Variants in TDRD9 observed in about 807,000 individuals in gnomAD.
TDRD9 encodes ATP-dependent RNA helicase TDRD9.
A neutral mutation model predicts 172.6 loss-of-function variants in TDRD9; 124 were observed. The observed-to-expected ratio is 0.72, with a 90% CI of 0.62 to 0.83. The LOEUF (loss-of-function observed/expected upper bound fraction) is 0.83. TDRD9 is among the 40% of genes least tolerant of loss of function. The probability of loss-of-function intolerance (pLI) is 0.00; values close to 1 mark genes in which losing one functional copy is unlikely to be tolerated. For synonymous variants in TDRD9, 619 were observed against 617.1 expected, an observed-to-expected ratio of 1.00 and a Z score of -0.05; for missense variants, 1,479 against 1,714.1, an observed-to-expected ratio of 0.86 and a Z score of 2.42.
chr14:103,977,587 T>G (rs956032797), intron 7 of TDRD9, among the ~76,000 whole-genome samples: 6 of 149,054 alleles, frequency 4.0e-5, no homozygotes, highest in African/African-American at 1.2e-4. Context: ...GTCAGATGAA[T>G]AGTTTGCAAA....
intron 7 of TDRD9, among the ~76,000 whole-genome samples, chr14:103,977,492 C>CAAAAAAA (rs57634354): frequency 5.6e-5 from 3 of 53,188 alleles, no homozygotes; most frequent in African/African-American, 2.3e-4. Context: ...GACTCCATCT[C>CAAAAAAA]AAAAAAAAAA....
Position 103,966,824 on chromosome 14 carries a change from T to C in TDRD9, c.758T>C (p.Ile253Thr). 6.5e-7 allele frequency: 1 copy of C among 1,549,488 alleles called. No homozygotes were observed. The highest frequency in any genetic ancestry group is 8.7e-7 in the Non-Finnish European group (1 of 1,146,090). Residue 253 changes from isoleucine to threonine, a missense_variant, in exon 5 of 36, where the codon ATT becomes ACT. By Grantham distance (89) the Ile-to-Thr change is moderately conservative. Around this residue, in one of 3 missense-constraint regions of TDRD9, gnomAD observed 1,413 missense variants for 1,649.1 expected, o/e 0.86. Coordinates refer to ENST00000409874, the MANE Select transcript of TDRD9 (RefSeq NM_153046.3). ...TTGATGGAATTCACACATATCATCATTGATGAAGTAAGTGATGTCATCTAC... is the reference window on the plus strand; with the variant it reads ...TTGATGGAATTCACACATATCATCACTGATGAAGTAAGTGATGTCATCTAC... ...KSLMEFTHIIIDEVHERTEEM... is the reference protein window; with the variant it reads ...KSLMEFTHIITDEVHERTEEM...
Position 104,005,364 on chromosome 14 carries a change from G to A in TDRD9, c.1672G>A (p.Gly558Ser), listed in dbSNP as rs1477743757. The A allele has an allele frequency of 6.2e-7, 1 of 1,613,946 alleles. No homozygotes were observed. Among genetic ancestry groups the A allele is most frequent in the Admixed American group, 1.7e-5 (1 of 60,006 alleles). Residue 558 changes from glycine (G) to serine (S), a missense_variant, in exon 15 of 36, where the codon GGT (glycine) becomes AGT (serine). Transcript: ENST00000409874. ...GCTGGCCACTGCCCTTTCCCCGCCTGGTCTGAGTGACATTGAGCGCACCAT... is the reference window on the plus strand; with the variant it reads ...GCTGGCCACTGCCCTTTCCCCGCCTAGTCTGAGTGACATTGAGCGCACCAT... ...ALLATALSPP[G>S]LSDIERTILL...
chr14:103,956,219 C>T (rs2032235809), intron 2 of TDRD9, among the ~76,000 whole-genome samples: 1 of 140,446 alleles, frequency 7.1e-6, no homozygotes, highest in Non-Finnish European at 1.5e-5. Context: ...GCAGGTGGAT[C>T]ACGAGGTCAG....
chr14:103,957,051 T>A (rs1277839427), intron 2 of TDRD9, among the ~76,000 whole-genome samples: 1 of 152,232 alleles, frequency 6.6e-6, no homozygotes, highest in Non-Finnish European at 1.5e-5. Flanking sequence ...ATACAGTCAA[T>A]ACATAATAGT....
chr14:103,983,883 A>G (rs766712252), intron 7 of TDRD9, among the ~76,000 whole-genome samples: 1 of 152,228 alleles, frequency 6.6e-6, no homozygotes, highest in Non-Finnish European at 1.5e-5. Context: ...CAAAATGCTG[A>G]TAGTGATATG....
At chr14:104,022,121 G>T in intron 23 of TDRD9, 36 bp from the exon 24 acceptor site, 1 of 1,522,354 alleles carries the variant, frequency 6.6e-7, no homozygotes, top group South Asian at 1.3e-5. Context: ...ACAGATGCCT[G>T]ATAAATTTAT....
At chr14:103,959,616 C>G (rs1306723836) in intron 2 of TDRD9, among the ~76,000 whole-genome samples, 1 of 152,062 alleles carries the variant, frequency 6.6e-6, no homozygotes, top group Non-Finnish European at 1.5e-5. Context: ...TTTGTTATAT[C>G]CAGTTATAAA....
At chr14:103,930,311 C>G (rs1284353933) in intron 1 of TDRD9, among the ~76,000 whole-genome samples, 1 of 152,078 alleles carries the variant, frequency 6.6e-6, no homozygotes, top group Admixed American at 6.6e-5. Flanking sequence ...CCTTGGCCTC[C>G]CGAGTAGCTG....
At chr14:104,007,309 G>A (rs535450889) in intron 19 of TDRD9, 105 bp downstream of exon 19, 73 of 1,095,786 alleles carry the variant, frequency 6.7e-5, no homozygotes, top group Admixed American at 1.7e-4. Flanking sequence ...TGCCACCTGC[G>A]GCTGGAGTCG....
At chr14:103,957,339 C>CAG (rs2032296517) in intron 2 of TDRD9, among the ~76,000 whole-genome samples, 1 of 152,198 alleles carries the variant, frequency 6.6e-6, no homozygotes, top group African/African-American at 2.4e-5. Context: ...ATTTCATCAG[C>CAG]CCTTTGGTGC....
At chr14:103,988,396 T>C (rs747296466) in intron 8 of TDRD9, among the ~76,000 whole-genome samples, 14 of 152,102 alleles carry the variant, frequency 9.2e-5, no homozygotes, top group Non-Finnish European at 1.3e-4. Context: ...ATGGTCTTGA[T>C]CTCTTGACCT....
intron 1 of TDRD9, among the ~76,000 whole-genome samples, chr14:103,943,797 G>C (rs1309723837): frequency 6.6e-6 from 1 of 152,162 alleles, no homozygotes; most frequent in Non-Finnish European, 1.5e-5. Context: ...TTTCAAGTGA[G>C]CCATGAAGAG....
Position 103,994,539 on chromosome 14 carries a change from A to C in TDRD9, c.1256A>C (p.His419Pro). 1 of 1,613,916 alleles carries C rather than the reference A, an allele frequency of 6.2e-7. No homozygotes were observed. Among genetic ancestry groups the C allele is most frequent in the African/African-American group, 1.3e-5 (1 of 75,038 alleles). The change falls in exon 11 of 36, where the codon CAT (histidine) becomes CCT (proline). Residue 419 changes from histidine (H) to proline (P), a missense_variant. His to Pro is a moderately conservative substitution (Grantham distance 77, BLOSUM62 -2). Around this residue, in one of 3 missense-constraint regions of TDRD9, gnomAD observed 1,413 missense variants for 1,649.1 expected, o/e 0.86. Coordinates refer to ENST00000409874, the MANE Select transcript of TDRD9 (RefSeq NM_153046.3). ...VHKRLQVYPL[H>P]SSVALEEQNN... ...CTTAGGTTGCAGGTCTATCCACTCC[A>C]TTCAAGTGTGGCTTTAGAAGAACAG...
chr14:104,049,807 G>C, intron 35 of TDRD9, 127 bp downstream of exon 35: 1 of 747,090 alleles, frequency 1.3e-6, no homozygotes, highest in South Asian at 1.8e-5. Context: ...AGGCAAAGTG[G>C]ATGGCTTTGG....
chr14:104,007,989 T>C (rs1273888808), intron 19 of TDRD9, among the ~76,000 whole-genome samples: 2 of 152,078 alleles, frequency 1.3e-5, no homozygotes, highest in Non-Finnish European at 2.9e-5. Flanking sequence ...CTGTGTTAGC[T>C]AGGGTGGTCT....
intron 28 of TDRD9, among the ~76,000 whole-genome samples, chr14:104,029,992 G>T (rs542957616): frequency 6.6e-6 from 1 of 152,172 alleles, no homozygotes; most frequent in South Asian, 2.1e-4. Flanking sequence ...ATTTCTGCTG[G>T]GGATGAAGAA....
chr14:104,030,811 C>T (rs976501672), intron 28 of TDRD9, among the ~76,000 whole-genome samples: 2 of 152,092 alleles, frequency 1.3e-5, no homozygotes, highest in Non-Finnish European at 2.9e-5. Context: ...GGGAACATCA[C>T]ACACTGGGGA....
chr14:103,943,336 C>T (rs564010080), intron 1 of TDRD9, among the ~76,000 whole-genome samples: 24 of 151,296 alleles, frequency 1.6e-4, no homozygotes, highest in Admixed American at 8.6e-4. Context: ...TATATACACA[C>T]GCACATATGT....
Sources: allele counts gnomAD v4.1 joint callset (sites outside exome capture counted in the v4.1 genomes callset), GRCh38; gene constraint gnomAD v4.1.1; regional missense constraint gnomAD v4.1.1; transcripts MANE v1.5; gene names NCBI Gene and HGNC (gene_info 2026-07-23, HGNC 2026-07-21).